The following DLC1 variants were observed in gnomAD, a reference collection of about 807,000 sequenced individuals.
The protein encoded by DLC1 is DLC1 Rho GTPase activating protein, also known as rho GTPase-activating protein 7.
A neutral mutation model predicts 140.3 loss-of-function variants in DLC1; 54 were observed. The ratio of observed to expected loss-of-function variants is 0.38; its 90% CI spans 0.31 to 0.48. The LOEUF is 0.48. DLC1 is among the 20% of genes least tolerant of loss of function. The pLI, the probability that DLC1 is intolerant of heterozygous loss-of-function variation, is 0.96. For missense variants in DLC1, 2,536 were observed against 1,907.0 expected, an observed-to-expected ratio of 1.33 and a Z score of -6.14; for synonymous variants, 986 against 728.1, an observed-to-expected ratio of 1.35 and a Z score of -5.70.
chr8:13,312,376 A>AT, intron 4 of DLC1, among the ~76,000 whole-genome samples: 1 of 116,112 alleles, frequency 8.6e-6, no homozygotes, highest in Non-Finnish European at 1.8e-5. Context: ...AAAAAAAAAA[A>AT]AAAAAAAAAA....
intron 1 of DLC1, among the ~76,000 whole-genome samples, chr8:13,530,315 A>C (rs539118122): frequency 5.9e-5 from 9 of 152,304 alleles, no homozygotes; most frequent in African/African-American, 2.2e-4. Flanking sequence ...CTTAAGGTAA[A>C]TAGAATAATG....
intron 2 of DLC1, among the ~76,000 whole-genome samples, chr8:13,473,674 G>A (rs1260267783): frequency 2.6e-5 from 4 of 152,176 alleles, no homozygotes; most frequent in Non-Finnish European, 5.9e-5. Flanking sequence ...TAAAGTCCAG[G>A]CTGAAGTGGT....
chr8:13,125,668 T>C (rs1821493900), intron 5 of DLC1, among the ~76,000 whole-genome samples: 1 of 152,102 alleles, frequency 6.6e-6, no homozygotes, highest in Non-Finnish European at 1.5e-5. Flanking sequence ...CACTTGTAAA[T>C]CACCATACTG....
At position 13,456,176 on chromosome 8, in the gene DLC1, T is replaced by C. The variant is rs543076490; in HGVS notation, c.1023+42873A>G. Among the ~76,000 whole-genome samples, 3 of 152,182 alleles carry C rather than the reference T, an allele frequency of 2.0e-5. No homozygotes were observed. The South Asian group carries it at 6.2e-4, about 32-fold the overall frequency. On this transcript the variant is annotated intron_variant, in intron 2 of 17. Coordinates refer to ENST00000276297, the MANE Select transcript of DLC1 (RefSeq NM_182643.3). ...GTCCATGGATCCCTAATAACTTCAGTTTAGTTTCTAAACATTTTGGCCTTT... is the reference window on the plus strand; with the variant it reads ...GTCCATGGATCCCTAATAACTTCAGCTTAGTTTCTAAACATTTTGGCCTTT...
chr8:13,321,972 G>T (rs934531317), intron 4 of DLC1, among the ~76,000 whole-genome samples: 1 of 152,008 alleles, frequency 6.6e-6, no homozygotes, highest in Non-Finnish European at 1.5e-5. Flanking sequence ...AACAAATGCT[G>T]CATTTTCATA....
At chr8:13,243,522 A>T (rs1284846760) in intron 5 of DLC1, among the ~76,000 whole-genome samples, 1 of 152,048 alleles carries the variant, frequency 6.6e-6, no homozygotes, top group African/African-American at 2.4e-5. Flanking sequence ...AAAATTAGAG[A>T]CCTAGGGTTA....
chr8:13,269,899 TAC>T (rs1267323470), intron 5 of DLC1, among the ~76,000 whole-genome samples: 1 of 93,436 alleles, frequency 1.1e-5, no homozygotes, highest in East Asian at 4.1e-4. Context: ...CTACTAAAAA[TAC>T]AAAAAAAAAA....
chr8:13,412,886 C>A (rs77742210), intron 2 of DLC1, among the ~76,000 whole-genome samples: 2 of 139,448 alleles, frequency 1.4e-5, no homozygotes, highest in African/African-American at 5.4e-5. Context: ...AAGCTGAGAT[C>A]GTGCCACTGC....
intron 3 of DLC1, among the ~76,000 whole-genome samples, chr8:13,395,893 T>A (rs1001458720): frequency 6.6e-6 from 1 of 151,868 alleles, no homozygotes; most frequent in African/African-American, 2.4e-5. Flanking sequence ...CATTTTACCC[T>A]AAGAATATGA....
At chr8:13,560,264 C>G (rs371688989) in intron 1 of DLC1, among the ~76,000 whole-genome samples, 2 of 151,990 alleles carry the variant, frequency 1.3e-5, no homozygotes, top group African/African-American at 4.8e-5. Flanking sequence ...TGAAATATAC[C>G]AATCTGAAAA....
rs769555387 is a variant in DLC1, at chr8:13,393,626, G to T, written c.1241C>A (p.Ser414Tyr). ...ISVNQTRVNLSSDTESTDLPS... is the reference protein window; with the variant it reads ...ISVNQTRVNLYSDTESTDLPS... ...GAGGTCCGTGGACTCAGTGTCAGAA[G>T]ACAAATTTACTCGTGTCTGATTTAC... is the stretch of plus-strand genomic sequence containing the variant. Residue 414 changes from serine to tyrosine, a missense_variant, in exon 4 of 18, where the codon TCT becomes TAT. Physicochemically the swap from Ser to Tyr is moderately radical, Grantham distance 144. Coordinates refer to ENST00000276297, the MANE Select transcript of DLC1 (RefSeq NM_182643.3). 1 of 1,614,156 alleles carries T rather than the reference G, an allele frequency of 6.2e-7. No individual in the cohort carries two copies. The highest frequency in any genetic ancestry group is 1.3e-5 in the African/African-American group (1 of 75,054).
chr8:13,392,479 G>T (rs970397516), intron 4 of DLC1, among the ~76,000 whole-genome samples: 8 of 152,056 alleles, frequency 5.3e-5, no homozygotes, highest in Non-Finnish European at 1.0e-4. Context: ...CAGCAAATCT[G>T]TCATGTTTTA....
intron 4 of DLC1, among the ~76,000 whole-genome samples, chr8:13,371,480 A>G (rs1835726074): frequency 6.6e-6 from 1 of 152,032 alleles, no homozygotes; most frequent in African/African-American, 2.4e-5. Context: ...TCTGCTCCTC[A>G]GCTCTGAACA....
intron 5 of DLC1, among the ~76,000 whole-genome samples, chr8:13,272,536 T>A (rs926531502): frequency 2.0e-5 from 3 of 152,044 alleles, no homozygotes; most frequent in Non-Finnish European, 2.9e-5. Context: ...TTGAGTTAAA[T>A]TACAACAGTG....
chr8:13,143,813 TGA>T (rs35079610), intron 5 of DLC1, among the ~76,000 whole-genome samples: 61,710 of 128,180 alleles, frequency 0.48, 14,597 homozygotes, highest in East Asian at 0.54. Context: ...AATGAAAAGC[TGA>T]GAGAGAGAGA....
chr8:13,098,702 A>G, intron 9 of DLC1, 127 bp from the exon 10 acceptor site: 2 of 1,014,942 alleles, frequency 2.0e-6, no homozygotes, highest in Non-Finnish European at 2.8e-6. Flanking sequence ...TGCAGCCTTG[A>G]ACTCCTCAGC....
rs531085757 is a variant in DLC1 at position 13,362,305 on chromosome 8, T to C, written c.1314+31248A>G. On this transcript the variant is annotated intron_variant, in intron 4 of 17. Transcript: ENST00000276297. Reference sequence around the variant, plus strand: ...AAAACTGGAGAAAGAGCCCAGTGTTTTGGGGACATCATAGAGTCTGGCTTG... The same window carrying C: ...AAAACTGGAGAAAGAGCCCAGTGTTCTGGGGACATCATAGAGTCTGGCTTG... 2.6e-5 allele frequency among the ~76,000 whole-genome samples: 4 copies of C among 152,264 alleles called. No homozygotes were observed. In the South Asian group the frequency reaches 8.3e-4, roughly 32 times the overall value.
intron 1 of DLC1, among the ~76,000 whole-genome samples, chr8:13,562,017 G>T (rs897726334): frequency 6.6e-6 from 1 of 152,072 alleles, no homozygotes; most frequent in Admixed American, 6.6e-5. Flanking sequence ...CAGGAGTTAC[G>T]GGTAGGTTGA....
chr8:13,147,627 G>T (rs190796560), intron 5 of DLC1, among the ~76,000 whole-genome samples: 64 of 152,246 alleles, frequency 4.2e-4, no homozygotes, highest in African/African-American at 1.3e-3. Context: ...CATGCTCTGA[G>T]CTTGAGAGTG....
Sources: allele counts gnomAD v4.1 joint callset (sites outside exome capture counted in the v4.1 genomes callset), GRCh38; gene constraint gnomAD v4.1.1; transcripts MANE v1.5; gene names NCBI Gene and HGNC (gene_info 2026-07-23, HGNC 2026-07-21).